SRR: variants seen among roughly 807,000 people sequenced by gnomAD.
SRR encodes serine racemase.
SRR carries 19 observed loss-of-function variants against 32.7 expected under a neutral mutation model. The ratio of observed to expected loss-of-function variants is 0.58; its 90% CI spans 0.40 to 0.85. SRR has a LOEUF of 0.85. Ranked by LOEUF, SRR falls within the 40% of genes least tolerant of loss-of-function variation. The pLI is 0.00. For synonymous variants in SRR, 142 were observed against 140.9 expected (o/e 1.01, Z -0.06); for missense variants, 373 against 404.7 (o/e 0.92, Z 0.67).
chr17:2,307,523 A>AGGT lies in SRR; in HGVS notation c.-5+3509_-5+3511dup, dbSNP rs1450383988. ...TTGGTAATGATGGAAGCAATTTTGG[A>AGGT]GGTGGAAGCTACAATGATTTTGGCA... is the stretch of plus-strand genomic sequence containing the variant. On this transcript the variant is annotated intron_variant, in intron 1 of 7. Transcript: ENST00000344595. The AGGT allele has an allele frequency of 2.4e-5, 31 of 1,282,636 alleles. 1 individual carries two copies. In the South Asian group the frequency reaches 3.1e-4, roughly 13 times the overall value. The allele number at this position is 1,282,636 out of a possible 1,614,324, so 79.5% of individuals were successfully genotyped here.
chr17:2,312,274 C>G (rs924412602), intron 1 of SRR, among the ~76,000 whole-genome samples: 2 of 150,788 alleles, frequency 1.3e-5, no homozygotes, highest in African/African-American at 4.9e-5. Flanking sequence ...AAAAAATGTT[C>G]AATCACTAGT....
chr17:2,322,677 GT>G (rs11334122), intron 6 of SRR: 87,602 of 143,808 alleles, frequency 0.61, 26,348 homozygotes, highest in East Asian at 0.8. Flanking sequence ...GTTTTTTTTT[GT>G]TTTTTTTTTT....
intron 1 of SRR, among the ~76,000 whole-genome samples, chr17:2,311,826 G>T (rs558846770): frequency 6.6e-6 from 1 of 152,124 alleles, no homozygotes; most frequent in African/African-American, 2.4e-5. Flanking sequence ...TCTGGCCAAT[G>T]GAACAAAATA....
intron 3 of SRR, 41 bp from the exon 4 acceptor site, chr17:2,318,784 TC>T: frequency 6.6e-7 from 1 of 1,505,672 alleles, no homozygotes; most frequent in Non-Finnish European, 9.2e-7. Flanking sequence ...AAGTTTCTAT[TC>T]TAAATTCTCC....
At chr17:2,303,674 C>T (rs1182105893), upstream of SRR, 10 of 1,495,630 alleles carry the variant, frequency 6.7e-6, no homozygotes, top group Non-Finnish European at 8.9e-6. Flanking sequence ...CAGGATCCCG[C>T]GCAGCTCCGA....
At chr17:2,305,631 G>C (rs879623406) in intron 1 of SRR, among the ~76,000 whole-genome samples, 3 of 152,110 alleles carry the variant, frequency 2.0e-5, no homozygotes, top group African/African-American at 4.8e-5. Flanking sequence ...GAAATACCAG[G>C]TAAAAAGAAA....
At chr17:2,303,593 G>A (rs919845995), upstream of SRR, 14 of 1,382,236 alleles carry the variant, frequency 1.0e-5, no homozygotes, top group Admixed American at 2.5e-4. Context: ...GGGAGGCGGG[G>A]CGGGCAGGCC....
chr17:2,309,530 C>T (rs2075418893), intron 1 of SRR, among the ~76,000 whole-genome samples: 1 of 152,068 alleles, frequency 6.6e-6, no homozygotes, highest in Admixed American at 6.6e-5. Context: ...ATTAACAAGC[C>T]CTTTCTCATT....
At position 2,324,970 on chromosome 17, in the gene SRR, T is replaced by C. The variant is rs1490763013; in HGVS notation, c.*1097T>C. 34 of 921,374 alleles carry C rather than the reference T, an allele frequency of 3.7e-5. No homozygotes were observed. The East Asian group carries it at 7.4e-4, about 20-fold the overall frequency. The allele number at this position is 921,374 out of a possible 1,614,324, so 57.1% of individuals were successfully genotyped here. ...CAATCTGAGGCTAAGATTGGTAAAC[T>C]GTAAGCCCACACTTAACCTTGTCAA... On this transcript the variant is annotated 3_prime_UTR_variant, in exon 8 of 8. Coordinates refer to ENST00000344595, the MANE Select transcript of SRR (RefSeq NM_021947.3).
chr17:2,315,686 T>C lies in SRR; in HGVS notation c.126T>C (p.Leu42=). ...SILNQLTGRN[L]FFKCELFQKT... ...TGAATCAACTAACAGGGCGCAATCT[T>C]TTCTTCAAATGTGAACTCTTCCAGA... is the stretch of plus-strand genomic sequence containing the variant. The change falls in exon 2 of 8, where the codon CTT becomes CTC. Residue 42 remains leucine, a synonymous_variant. Transcript: ENST00000344595. The C allele has an allele frequency of 6.2e-7, 1 of 1,614,084 alleles. No individual in the cohort carries two copies. Among genetic ancestry groups the C allele is most frequent in the Non-Finnish European group, 8.5e-7 (1 of 1,180,028 alleles).
chr17:2,307,627 G>T, intron 1 of SRR: 1 of 948,200 alleles, frequency 1.1e-6, no homozygotes, highest in East Asian at 2.4e-5. Flanking sequence ...CCCTATGGTG[G>T]TGCAGGCCAA....
Position 2,318,871 on chromosome 17 carries a change from A to T in SRR, c.341A>T (p.Lys114Ile). 6.2e-7 allele frequency: 1 copy of T among 1,613,886 alleles called. No homozygotes were observed. Among genetic ancestry groups the T allele is most frequent in the Non-Finnish European group, 8.5e-7 (1 of 1,179,926 alleles). ...GTGCCCCAGACAGCTCCAGACTGTA[A>T]AAAACTTGCAATACAAGCCTACGGA... is the stretch of plus-strand genomic sequence containing the variant. ...IVVPQTAPDC[K>I]KLAIQAYGAS... The change falls in exon 4 of 8, where the codon AAA becomes ATA. Residue 114 changes from lysine (K) to isoleucine (I), a missense_variant. Transcript: ENST00000344595.
chr17:2,323,324 T>C lies in SRR; in HGVS notation c.783T>C (p.Thr261=). The C allele has an allele frequency of 6.2e-7, 1 of 1,614,030 alleles. No individual in the cohort carries two copies. The highest frequency in any genetic ancestry group is 8.5e-7 in the Non-Finnish European group (1 of 1,179,906). ...GGGACCTTGTGGATGATATCTTCAC[T>C]GTCACAGAGGATGAAATTAAGGTGA... ...IIRDLVDDIF[T]VTEDEIKCAT... Residue 261 remains threonine, a synonymous_variant, in exon 7 of 8, where the codon ACT becomes ACC. Transcript: ENST00000344595.
At position 2,324,102 on chromosome 17, in the gene SRR, T is replaced by G. The variant is rs1012023493; in HGVS notation, c.*229T>G. The G allele has an allele frequency of 1.4e-6, 2 of 1,458,682 alleles. No homozygotes were observed. Among genetic ancestry groups the G allele is most frequent in the Non-Finnish European group, 1.8e-6 (2 of 1,090,294 alleles). 90.4% of individuals were successfully genotyped at this position (1,458,682 alleles called of 1,614,324 possible). On this transcript the variant is annotated 3_prime_UTR_variant, in exon 8 of 8. Coordinates refer to ENST00000344595, the MANE Select transcript of SRR (RefSeq NM_021947.3). ...AAAATGGGGCAGTGGACTGACAGGCTGACATAGAAAATAAACTTTGCCCAA... is the reference window on the plus strand; with the variant it reads ...AAAATGGGGCAGTGGACTGACAGGCGGACATAGAAAATAAACTTTGCCCAA...
rs188785353 is a variant in SRR, at chr17:2,310,582, T to G, written c.-4-4975T>G. ...GGCATGGTTTTTTGGGATTTTTGGTTGTTGTTTTTTTTTTGAGACAGAGTC... is the reference window on the plus strand; with the variant it reads ...GGCATGGTTTTTTGGGATTTTTGGTGGTTGTTTTTTTTTTGAGACAGAGTC... On this transcript the variant is annotated intron_variant, in intron 1 of 7. Coordinates refer to ENST00000344595, the MANE Select transcript of SRR (RefSeq NM_021947.3). Among the ~76,000 whole-genome samples the G allele has an allele frequency of 1.0e-3, 159 of 151,982 alleles. 2 individuals are homozygous for G. The highest frequency in any genetic ancestry group is 6.2e-3 in the East Asian group (32 of 5,174).
chr17:2,307,726 A>T (rs1014285417), intron 1 of SRR: 4 of 987,870 alleles, frequency 4.0e-6, no homozygotes, highest in Non-Finnish European at 3.2e-6. Context: ...TAATTAGGCA[A>T]CAAAGCTTAG....
At position 2,325,135 on chromosome 17, in the gene SRR, T is replaced by TG; in HGVS notation, c.*1264dup. ...GCTATACACTGTTTCACGTAAAAGTTGGAGTTTTCATTGTTCTATTAACAA... is the reference window on the plus strand; with the variant it reads ...GCTATACACTGTTTCACGTAAAAGTTGGGAGTTTTCATTGTTCTATTAACAA... On this transcript the variant is annotated 3_prime_UTR_variant, in exon 8 of 8. Transcript: ENST00000344595. 1.6e-6 allele frequency: 1 copy of TG among 620,058 alleles called. No homozygotes were observed. Among genetic ancestry groups the TG allele is most frequent in the Non-Finnish European group, 2.7e-6 (1 of 368,062 alleles). The allele number at this position is 620,058 out of a possible 1,614,324, so 38.4% of individuals were successfully genotyped here. A position where few individuals can be genotyped will look rare whatever the true frequency, so the allele number is the denominator to read the frequency against.
upstream of SRR, chr17:2,303,473 G>T: frequency 7.6e-7 from 1 of 1,320,408 alleles, no homozygotes; most frequent in Non-Finnish European, 9.6e-7. Flanking sequence ...TAACCCGCGA[G>T]AGAGGTAGGG....
In SRR at chr17:2,323,816, C is replaced by T; in HGVS notation, c.966C>T (p.Ser322=). 6.2e-7 allele frequency: 1 copy of T among 1,614,160 alleles called. No homozygotes were observed. The highest frequency in any genetic ancestry group is 8.5e-7 in the Non-Finnish European group (1 of 1,180,038). ...GTGGAAATGTAGACTTAACCTCCTC[C>T]ATAACTTGGGTGAAGCAGGCTGAAA... ...LSGGNVDLTS[S]ITWVKQAERP... The change falls in exon 8 of 8, where the codon TCC becomes TCT. Residue 322 remains serine (S), a synonymous_variant. Coordinates refer to ENST00000344595, the MANE Select transcript of SRR (RefSeq NM_021947.3).
Sources: gnomAD v4.1 joint callset for allele counts (sites outside exome capture counted in the v4.1 genomes callset) on GRCh38, gnomAD v4.1.1 for gene constraint, MANE v1.5 for transcripts, NCBI Gene and HGNC (gene_info 2026-07-23, HGNC 2026-07-21) for gene names.